The following MRPS6 variants were observed in gnomAD, a reference collection of about 807,000 sequenced individuals.
MRPS6 encodes mitochondrial ribosomal protein S6, also known as small ribosomal subunit protein bS6m.
MRPS6 carries 6 observed loss-of-function variants against 13.1 expected under a neutral mutation model. The observed-to-expected ratio is 0.46, with a 90% CI of 0.25 to 0.91. The LOEUF is 0.91. Ranked by LOEUF, MRPS6 falls within the 40% of genes least tolerant of loss-of-function variation. The probability of loss-of-function intolerance (pLI) is 0.18; values close to 1 mark genes in which losing one functional copy is unlikely to be tolerated. For missense variants in MRPS6, 164 were observed against 155.6 expected, an observed-to-expected ratio of 1.05 and a Z score of -0.29; for synonymous variants, 61 against 56.5, an observed-to-expected ratio of 1.08 and a Z score of -0.36.
At chr21:34,103,787 C>T (rs1440582805) in intron 1 of MRPS6, 1 of 999,854 alleles carries the variant, frequency 1.0e-6, no homozygotes, top group Non-Finnish European at 1.2e-6. Context: ...AAGTTTGTAC[C>T]ACATTGATGG....
intron 1 of MRPS6, among the ~76,000 whole-genome samples, chr21:34,074,468 G>T (rs115074417): frequency 0.021 from 3,238 of 152,268 alleles, 124 homozygotes; most frequent in African/African-American, 0.073. Context: ...GCTTTTGATT[G>T]ATCTTGAGGT....
At chr21:34,119,676 C>A (rs1458796004) in intron 1 of MRPS6, among the ~76,000 whole-genome samples, 1 of 152,082 alleles carries the variant, frequency 6.6e-6, no homozygotes. Context: ...GTAGTGCTAG[C>A]TGGGTATATT....
intron 1 of MRPS6, among the ~76,000 whole-genome samples, chr21:34,114,949 T>C (rs1020451699): frequency 6.6e-6 from 1 of 152,220 alleles, no homozygotes; most frequent in African/African-American, 2.4e-5. Flanking sequence ...ATGCTGGTAT[T>C]GATGGCTTAG....
intron 1 of MRPS6, chr21:34,102,959 T>G: frequency 1.0e-6 from 1 of 999,928 alleles, no homozygotes; most frequent in Non-Finnish European, 1.2e-6. Context: ...TGTTTCCTAG[T>G]GCTGCTGGAT....
chr21:34,125,303 C>CTTTTT, intron 1 of MRPS6, 38 bp from the exon 2 acceptor site: 1 of 1,601,976 alleles, frequency 6.2e-7, no homozygotes. Flanking sequence ...AATTCTGATG[C>CTTTTT]TTTTTTTTCT....
rs775365150 is a variant in MRPS6 at position 34,096,265 on chromosome 21, T to G, written c.45+22520T>G. ...AATATTGCTTACCCACGCCTGGTGA[T>G]GAAGCTGGTTCCTGTGGGCCTTCGG... On this transcript the variant is annotated intron_variant, in intron 1 of 2. Coordinates refer to ENST00000399312, the MANE Select transcript of MRPS6 (RefSeq NM_032476.4). The surrounding 1 kb of genome is among the most constrained non-coding windows in gnomAD (Gnocchi z 5.9). The G allele has an allele frequency of 6.2e-7, 1 of 1,614,186 alleles. No individual in the cohort carries two copies.
intron 1 of MRPS6, chr21:34,098,990 C>CA: frequency 3.0e-6 from 3 of 988,236 alleles, no homozygotes; most frequent in Non-Finnish European, 3.7e-6. Context: ...AATCAAAACT[C>CA]AGTCTTTTTA....
chr21:34,102,804 A>T (rs1282264448), intron 1 of MRPS6: 1 of 1,000,056 alleles, frequency 1.0e-6, no homozygotes, highest in Non-Finnish European at 1.2e-6. Context: ...ATTGTTGTCC[A>T]TGATACTGAA....
At chr21:34,132,879 A>T (rs968872407) in intron 2 of MRPS6, among the ~76,000 whole-genome samples, 15 of 152,208 alleles carry the variant, frequency 9.9e-5, no homozygotes, top group Admixed American at 7.9e-4. Context: ...GAATCCTGGC[A>T]GTGACCACTT....
intron 1 of MRPS6, chr21:34,099,813 C>A: frequency 9.2e-6 from 6 of 653,438 alleles, no homozygotes; most frequent in Non-Finnish European, 1.2e-5. Context: ...TTATTCTTGC[C>A]AGTATAAACA....
intron 2 of MRPS6, among the ~76,000 whole-genome samples, chr21:34,136,822 A>T (rs1980720300): frequency 6.6e-6 from 1 of 152,156 alleles, no homozygotes; most frequent in African/African-American, 2.4e-5. Flanking sequence ...GTTGTGTCTA[A>T]GGAAACTTTG....
intron 1 of MRPS6, chr21:34,098,164 A>G (rs1979059435): frequency 1.0e-6 from 1 of 999,932 alleles, no homozygotes; most frequent in Non-Finnish European, 1.2e-6. Context: ...GGTTGTTTAT[A>G]TAGTTTGGAA....
intron 1 of MRPS6, chr21:34,104,041 G>T: frequency 1.0e-6 from 1 of 1,000,082 alleles, no homozygotes. Flanking sequence ...CAAACATGCA[G>T]AAAGTCATAC....
chr21:34,085,600 C>CTTTT (rs56135810), intron 1 of MRPS6, among the ~76,000 whole-genome samples: 4 of 130,264 alleles, frequency 3.1e-5, no homozygotes, highest in African/African-American at 8.7e-5. Flanking sequence ...GAAATAAGGA[C>CTTTT]TTTTTTTTTT....
intron 1 of MRPS6, chr21:34,095,399 G>T: frequency 6.2e-7 from 1 of 1,614,124 alleles, no homozygotes; most frequent in Non-Finnish European, 8.5e-7. Context: ...ACTTCATTGG[G>T]CTGGCAGGAT....
intron 1 of MRPS6, chr21:34,098,355 G>C (rs1979068136): frequency 1.0e-6 from 1 of 1,000,126 alleles, no homozygotes; most frequent in African/African-American, 1.7e-5. Context: ...CGCTGCCTTT[G>C]TGTGCTGGAT....
chr21:34,129,091 T>C (rs975928222), intron 2 of MRPS6, among the ~76,000 whole-genome samples: 13 of 152,196 alleles, frequency 8.5e-5, no homozygotes, highest in Non-Finnish European at 7.3e-5. Flanking sequence ...AAATTCTTAC[T>C]GTATTCCTGG....
intron 1 of MRPS6, among the ~76,000 whole-genome samples, chr21:34,090,556 ATAAC>A (rs1252494785): frequency 2.0e-5 from 3 of 152,308 alleles, no homozygotes; most frequent in Middle Eastern, 3.4e-3. Flanking sequence ...CTATATATAA[ATAAC>A]TTGGGAAAAT....
chr21:34,140,838 T>A (rs1389503377), intron 2 of MRPS6, among the ~76,000 whole-genome samples: 2 of 152,268 alleles, frequency 1.3e-5, no homozygotes, highest in Non-Finnish European at 2.9e-5. Flanking sequence ...TGAAGTCTGC[T>A]TTGTCTGATA....
Sources: allele counts gnomAD v4.1 joint callset (sites outside exome capture counted in the v4.1 genomes callset), GRCh38; gene constraint gnomAD v4.1.1; non-coding constraint Gnocchi (gnomAD v3.1); transcripts MANE v1.5; gene names NCBI Gene and HGNC (gene_info 2026-07-23, HGNC 2026-07-21).